SHISA9: variants seen among roughly 807,000 people sequenced by gnomAD.
SHISA9 encodes protein shisa-9.
SHISA9 carries 13 observed loss-of-function variants against 38.0 expected under a neutral mutation model. That is an observed-to-expected ratio of 0.34 (90% CI 0.22 to 0.54). SHISA9 has a LOEUF of 0.54. Among genes scored for constraint, SHISA9 ranks in the 20% least tolerant of loss-of-function variants. The pLI is 0.91. For missense variants in SHISA9, 538 were observed against 575.8 expected, an observed-to-expected ratio of 0.93 and a Z score of 0.67; for synonymous variants, 275 against 242.0, an observed-to-expected ratio of 1.14 and a Z score of -1.27.
the SHISA9 span, among the ~76,000 whole-genome samples, chr16:13,450,710 T>G: frequency 2.0e-5 from 3 of 152,198 alleles, no homozygotes; most frequent in Non-Finnish European, 4.4e-5. Flanking sequence ...ATGGAATTTG[T>G]CTAAGGTCAC....
intron 2 of SHISA9, among the ~76,000 whole-genome samples, chr16:13,109,270 C>T (rs2073955362): frequency 6.6e-6 from 1 of 152,090 alleles, no homozygotes; most frequent in Non-Finnish European, 1.5e-5. Context: ...AAGCAATCCT[C>T]CCACCTTGGC....
intron 2 of SHISA9, among the ~76,000 whole-genome samples, chr16:12,975,877 ATT>A (rs113369786): frequency 4.3e-4 from 62 of 144,982 alleles, no homozygotes; most frequent in East Asian, 1.4e-3. Context: ...TTGAACAGCA[ATT>A]TTTTTTTTTT....
chr16:13,397,931 C>T, the SHISA9 span, among the ~76,000 whole-genome samples: 17 of 152,138 alleles, frequency 1.1e-4, no homozygotes, highest in East Asian at 1.9e-4. Flanking sequence ...CTCAGCAGAG[C>T]GGGGAGCCAG....
chr16:13,045,620 G>GAGAGGA, intron 2 of SHISA9, among the ~76,000 whole-genome samples: 1 of 151,890 alleles, frequency 6.6e-6, no homozygotes, highest in South Asian at 2.1e-4. Context: ...GAGGGAGAGG[G>GAGAGGA]AGAGGGAGAG....
intron 1 of SHISA9, chr16:12,911,525 A>G (rs1159685605): frequency 2.9e-6 from 1 of 342,802 alleles, no homozygotes; most frequent in Non-Finnish European, 4.1e-6. Flanking sequence ...GGTGAAATAA[A>G]TATTATTTGA....
chr16:12,961,373 G>T (rs1201210605), intron 2 of SHISA9, among the ~76,000 whole-genome samples: 4 of 152,198 alleles, frequency 2.6e-5, no homozygotes, highest in Non-Finnish European at 5.9e-5. Context: ...CGGCAATGGA[G>T]ATCCATGGAA....
intron 2 of SHISA9, among the ~76,000 whole-genome samples, chr16:12,947,044 C>T (rs1285814177): frequency 6.6e-6 from 1 of 152,150 alleles, no homozygotes; most frequent in East Asian, 1.9e-4. Context: ...AAAGGTTTCC[C>T]AGCATTTGGT....
At chr16:13,287,762 G>A in the SHISA9 span, among the ~76,000 whole-genome samples, 1 of 152,306 alleles carries the variant, frequency 6.6e-6, no homozygotes, top group East Asian at 1.9e-4. Context: ...CTAAGTGAGT[G>A]TTGTAGAAAT....
chr16:12,929,057 A>G (rs545011214), intron 2 of SHISA9, among the ~76,000 whole-genome samples: 2 of 152,376 alleles, frequency 1.3e-5, no homozygotes, highest in East Asian at 1.9e-4. Flanking sequence ...ATTACTGATC[A>G]TTAGAGAAAT....
chr16:13,216,829 C>A (rs2051173703), intron 4 of SHISA9, among the ~76,000 whole-genome samples: 1 of 152,202 alleles, frequency 6.6e-6, no homozygotes, highest in African/African-American at 2.4e-5. Context: ...TGATAAACAT[C>A]ATGCTAGTTG....
the SHISA9 span, among the ~76,000 whole-genome samples, chr16:13,316,708 A>G: frequency 6.6e-6 from 1 of 152,366 alleles, no homozygotes; most frequent in South Asian, 2.1e-4. Context: ...AGATGATAAA[A>G]TGTGGTAAAC....
At chr16:13,479,811 A>T in the SHISA9 span, among the ~76,000 whole-genome samples, 1 of 152,194 alleles carries the variant, frequency 6.6e-6, no homozygotes, top group Admixed American at 6.5e-5. Flanking sequence ...GTTCAGTTCT[A>T]TTCCCTTTGT....
the SHISA9 span, chr16:13,458,444 A>G: frequency 2.6e-6 from 1 of 387,898 alleles, no homozygotes; most frequent in South Asian, 2.1e-5. Context: ...CTTCAGTCTC[A>G]GATAAAGCGG....
At chr16:13,456,536 G>A in the SHISA9 span, among the ~76,000 whole-genome samples, 2 of 152,234 alleles carry the variant, frequency 1.3e-5, no homozygotes, top group Non-Finnish European at 2.9e-5. Context: ...CATATCCAAA[G>A]TGAGGTCCAG....
chr16:12,913,539 T>C (rs2071214006), intron 1 of SHISA9, among the ~76,000 whole-genome samples: 1 of 152,202 alleles, frequency 6.6e-6, no homozygotes, highest in South Asian at 2.1e-4. Flanking sequence ...GCAATTCTTT[T>C]TGCACTAATC....
chr16:12,908,896 A>T, intron 1 of SHISA9: 1 of 1,046,614 alleles, frequency 9.6e-7, no homozygotes, highest in East Asian at 7.8e-5. Context: ...AGAATTGGAA[A>T]TCCAAGTGGC....
the SHISA9 span, among the ~76,000 whole-genome samples, chr16:13,561,156 C>T: frequency 6.6e-6 from 1 of 152,124 alleles, no homozygotes; most frequent in Non-Finnish European, 1.5e-5. Flanking sequence ...CATGGGCCGC[C>T]GCGCCTGGCC....
the SHISA9 span, among the ~76,000 whole-genome samples, chr16:13,478,116 G>A: frequency 2.0e-5 from 3 of 152,084 alleles, no homozygotes; most frequent in East Asian, 1.9e-4. Context: ...TCTTCCATCC[G>A]GTTGTTTCTT....
chr16:13,297,762 C>T, the SHISA9 span, among the ~76,000 whole-genome samples: 36 of 151,392 alleles, frequency 2.4e-4, no homozygotes, highest in South Asian at 6.5e-3. Flanking sequence ...CTTTTTTTTT[C>T]TTTCTTCTTT....
Sources: gnomAD v4.1 joint callset for allele counts (sites outside exome capture counted in the v4.1 genomes callset) on GRCh38, gnomAD v4.1.1 for gene constraint, MANE v1.5 for transcripts, NCBI Gene and HGNC (gene_info 2026-07-23, HGNC 2026-07-21) for gene names.